RTN4RL1: variants seen among roughly 807,000 people sequenced by gnomAD.
The protein encoded by RTN4RL1 is reticulon 4 receptor like 1.
RTN4RL1 carries 7 observed loss-of-function variants against 25.6 expected under a neutral mutation model. The ratio of observed to expected loss-of-function variants is 0.27; its 90% CI spans 0.16 to 0.51. The LOEUF is 0.51. Ranked by LOEUF, RTN4RL1 falls within the 20% of genes least tolerant of loss-of-function variation. RTN4RL1 has a pLI of 0.97. For synonymous variants in RTN4RL1, 297 were observed against 288.2 expected (o/e 1.03, Z -0.31); for missense variants, 500 against 615.6 (o/e 0.81, Z 1.99).
intron 1 of RTN4RL1, among the ~76,000 whole-genome samples, chr17:1,974,987 T>A (rs947859926): frequency 1.3e-5 from 2 of 152,178 alleles, no homozygotes; most frequent in Non-Finnish European, 2.9e-5. Context: ...ATTTAGCCCT[T>A]CCACTACCAT....
intron 1 of RTN4RL1, among the ~76,000 whole-genome samples, chr17:1,947,382 C>T (rs1479308445): frequency 6.6e-6 from 1 of 152,228 alleles, no homozygotes; most frequent in Non-Finnish European, 1.5e-5. Flanking sequence ...GCCCCCTTCA[C>T]CCTGCAGCGT....
At chr17:1,989,698 C>T (rs1053588597) in intron 1 of RTN4RL1, among the ~76,000 whole-genome samples, 3 of 152,086 alleles carry the variant, frequency 2.0e-5, no homozygotes, top group Non-Finnish European at 4.4e-5. Context: ...CTCAGCCTCC[C>T]GAGTAGCCAG....
intron 1 of RTN4RL1, among the ~76,000 whole-genome samples, chr17:1,940,314 A>G (rs1421850378): frequency 6.6e-6 from 1 of 152,190 alleles, no homozygotes. Flanking sequence ...GCGGTGGCAC[A>G]GCTTCAAGGA....
At chr17:1,977,867 CG>C (rs1446134078) in intron 1 of RTN4RL1, among the ~76,000 whole-genome samples, 2 of 151,910 alleles carry the variant, frequency 1.3e-5, no homozygotes, top group East Asian at 3.9e-4. Flanking sequence ...GAGCCGGGGT[CG>C]GGGGCGCATC....
At chr17:1,974,555 A>G (rs554857050) in intron 1 of RTN4RL1, among the ~76,000 whole-genome samples, 1 of 152,308 alleles carries the variant, frequency 6.6e-6, no homozygotes, top group African/African-American at 2.4e-5. Flanking sequence ...TAGGGCATCC[A>G]CAGGGATAGT....
chr17:1,984,650 G>A (rs1304588440), intron 1 of RTN4RL1, among the ~76,000 whole-genome samples: 6 of 152,212 alleles, frequency 3.9e-5, no homozygotes, highest in Admixed American at 6.5e-5. Flanking sequence ...CTGCAGGAAT[G>A]AGCCCTGCCC....
At position 1,936,504 on chromosome 17, in the gene RTN4RL1, G is replaced by A; in HGVS notation, c.1318C>T (p.Leu440Phe). ...LAWTLGLAVT[L>F]R is the part of the protein sequence containing the mutation. ...GCTGACGCCCTGGGTCCTCAGCGGA[G>A]AGTGACCGCCAGCCCCAGTGTCCAG... The change falls in exon 2 of 2, where the codon CTC becomes TTC. Residue 440 changes from leucine (L) to phenylalanine (F), a missense_variant. Around this residue, in one of 2 missense-constraint regions of RTN4RL1, gnomAD observed 268 missense variants for 274.5 expected, o/e 0.98. Coordinates refer to ENST00000331238, the MANE Select transcript of RTN4RL1 (RefSeq NM_178568.4). 6.5e-7 allele frequency: 1 copy of A among 1,544,888 alleles called. No individual in the cohort carries two copies.
At chr17:1,947,213 C>T (rs550948927) in intron 1 of RTN4RL1, among the ~76,000 whole-genome samples, 22 of 152,276 alleles carry the variant, frequency 1.4e-4, no homozygotes, top group East Asian at 5.8e-4. Context: ...CGTGTGTCTG[C>T]GCACGCACGC....
At chr17:1,970,019 C>CTTTT (rs59804703) in intron 1 of RTN4RL1, among the ~76,000 whole-genome samples, 1,972 of 71,816 alleles carry the variant, frequency 0.027, 21 homozygotes, top group Non-Finnish European at 0.043. Flanking sequence ...CTCTCTCTCT[C>CTTTT]TTTTTTTTTT....
At chr17:1,993,487 C>T (rs1204934070) in intron 1 of RTN4RL1, among the ~76,000 whole-genome samples, 1 of 152,168 alleles carries the variant, frequency 6.6e-6, no homozygotes, top group Non-Finnish European at 1.5e-5. Context: ...AACAGGATTA[C>T]TGTGAGGAGT....
At chr17:1,962,863 GAAA>G (rs367639702) in intron 1 of RTN4RL1, among the ~76,000 whole-genome samples, 3 of 114,838 alleles carry the variant, frequency 2.6e-5, no homozygotes, top group Admixed American at 9.3e-5. Context: ...CTCGATCTCA[GAAA>G]AAAAAAAAAA....
intron 1 of RTN4RL1, among the ~76,000 whole-genome samples, chr17:2,002,438 G>A (rs7211952): frequency 0.67 from 98,495 of 147,652 alleles, 33,131 homozygotes; most frequent in Middle Eastern, 0.72. Flanking sequence ...GACTACAGGC[G>A]CCCGCCACCT....
intron 1 of RTN4RL1, among the ~76,000 whole-genome samples, chr17:1,990,527 C>T (rs1191100015): frequency 1.3e-5 from 2 of 152,142 alleles, no homozygotes; most frequent in Admixed American, 6.5e-5. Flanking sequence ...AGAGGAAGAC[C>T]TCATCTCTAC....
rs1915302598 is a variant in RTN4RL1, at chr17:1,936,332, G to A, written c.*164C>T. 2 of 1,426,550 alleles carry A rather than the reference G, an allele frequency of 1.4e-6. No homozygotes were observed. Among genetic ancestry groups the A allele is most frequent in the East Asian group, 2.6e-5 (1 of 38,608 alleles). 88.4% of individuals were successfully genotyped at this position (1,426,550 alleles called of 1,614,324 possible). A position where few individuals can be genotyped will look rare whatever the true frequency, so the allele number is the denominator to read the frequency against. ...TCCCGCCTAGGGCTGTACACTTTGG[G>A]TTTATAATCCACATGGCAGGGTCCA... On this transcript the variant is annotated 3_prime_UTR_variant, in exon 2 of 2. Transcript: ENST00000331238.
chr17:1,941,877 C>T (rs536475450), intron 1 of RTN4RL1, among the ~76,000 whole-genome samples: 1 of 152,250 alleles, frequency 6.6e-6, no homozygotes, highest in African/African-American at 2.4e-5. Context: ...GGGTTTCTCC[C>T]AGGGAGGCTG....
chr17:2,018,722 A>G (rs1287436341), intron 1 of RTN4RL1, among the ~76,000 whole-genome samples: 1 of 152,030 alleles, frequency 6.6e-6, no homozygotes, highest in Non-Finnish European at 1.5e-5. Context: ...GACTCCAGCT[A>G]GCTATGCCTC....
At chr17:2,006,529 C>T (rs9894775) in intron 1 of RTN4RL1, among the ~76,000 whole-genome samples, 55,628 of 151,660 alleles carry the variant, frequency 0.37, 10,636 homozygotes, top group East Asian at 0.55. Context: ...CATGGTTCAC[C>T]GTAGCCTTGA....
At chr17:1,939,163 T>C (rs528636689) in intron 1 of RTN4RL1, among the ~76,000 whole-genome samples, 46 of 151,708 alleles carry the variant, frequency 3.0e-4, no homozygotes, top group East Asian at 2.7e-3. Flanking sequence ...CCATCCTGGC[T>C]AACACGGCGA....
chr17:1,943,915 G>T (rs1444159850), intron 1 of RTN4RL1, among the ~76,000 whole-genome samples: 3 of 148,896 alleles, frequency 2.0e-5, no homozygotes, highest in Non-Finnish European at 4.5e-5. Flanking sequence ...GAGCCAGAGA[G>T]ACCTGAGTTT....
Sources: allele counts gnomAD v4.1 joint callset (sites outside exome capture counted in the v4.1 genomes callset), GRCh38; gene constraint gnomAD v4.1.1; regional missense constraint gnomAD v4.1.1; transcripts MANE v1.5; gene names NCBI Gene and HGNC (gene_info 2026-07-23, HGNC 2026-07-21).